CTNNA2: variants seen among roughly 807,000 people sequenced by gnomAD.
CTNNA2 encodes catenin alpha-2.
Under a neutral mutation model 101.0 loss-of-function variants are expected in CTNNA2, and 42 were observed. The observed-to-expected ratio is 0.42, with a 90% CI of 0.32 to 0.54. CTNNA2 has a LOEUF of 0.54. Ranked by LOEUF, CTNNA2 falls within the 20% of genes least tolerant of loss-of-function variation. The pLI is 0.14. For synonymous variants in CTNNA2, 450 were observed against 456.4 expected, an observed-to-expected ratio of 0.99 and a Z score of 0.18; for missense variants, 871 against 1,223.1, an observed-to-expected ratio of 0.71 and a Z score of 4.29.
chr2:79,645,505 G>GA (rs1680757163), intron 1 of CTNNA2, among the ~76,000 whole-genome samples: 1 of 152,146 alleles, frequency 6.6e-6, no homozygotes, highest in African/African-American at 2.4e-5. Context: ...AAAAGGCAGA[G>GA]AAAAAAGCAA....
intron 6 of CTNNA2, among the ~76,000 whole-genome samples, chr2:79,886,213 C>G (rs1173384125): frequency 6.6e-6 from 1 of 152,070 alleles, no homozygotes; most frequent in East Asian, 1.9e-4. Flanking sequence ...TGAGCTGCAT[C>G]TAAAGGCTAA....
chr2:80,391,501 T>C (rs1381718662), intron 7 of CTNNA2, among the ~76,000 whole-genome samples: 1 of 152,254 alleles, frequency 6.6e-6, no homozygotes, highest in Non-Finnish European at 1.5e-5. Context: ...AGTAAGTTTT[T>C]TTATTCTAAT....
At chr2:79,442,962 C>G (rs191871884) in intron 4 of CTNNA2, among the ~76,000 whole-genome samples, 2 of 152,212 alleles carry the variant, frequency 1.3e-5, no homozygotes, top group East Asian at 3.9e-4. Context: ...CTTCACTGAT[C>G]CTTCCTCATA....
chr2:79,274,666 C>A (rs142717559), intron 2 of CTNNA2, among the ~76,000 whole-genome samples: 11 of 152,074 alleles, frequency 7.2e-5, no homozygotes, highest in Admixed American at 2.0e-4. Context: ...AAACATTCAA[C>A]CATATATTGT....
chr2:80,362,999 C>T lies in CTNNA2; in HGVS notation c.1057-30212C>T, dbSNP rs1013554084. 7.3e-4 allele frequency among the ~76,000 whole-genome samples: 73 copies of T among 100,360 alleles called. No homozygotes were observed. The East Asian group carries it at 0.015, about 21-fold the overall frequency. 65.8% of individuals were successfully genotyped at this position (100,360 alleles called of 152,430 possible). On this transcript the variant is annotated intron_variant, in intron 7 of 18. Coordinates refer to ENST00000402739, the MANE Select transcript of CTNNA2 (RefSeq NM_001282597.3). ...TAGCCTGGGCAACATAGCAAGACAT[C>T]GTCTCAAAAAAAAAAAAAAAAAAGT... is the stretch of plus-strand genomic sequence containing the variant.
At chr2:80,227,849 CA>C (rs144423283) in intron 7 of CTNNA2, among the ~76,000 whole-genome samples, 2,211 of 149,566 alleles carry the variant, frequency 0.015, 54 homozygotes, top group African/African-American at 0.051. Context: ...AAACAAAAAA[CA>C]AAAAAAAACA....
At chr2:79,785,484 C>T (rs186506724) in intron 3 of CTNNA2, among the ~76,000 whole-genome samples, 46 of 152,280 alleles carry the variant, frequency 3.0e-4, no homozygotes, top group African/African-American at 1.1e-3. Flanking sequence ...ACCAGCGAGG[C>T]CTCCCATGAC....
At chr2:80,190,533 T>C (rs1270139123) in intron 7 of CTNNA2, among the ~76,000 whole-genome samples, 1 of 152,098 alleles carries the variant, frequency 6.6e-6, no homozygotes, top group Non-Finnish European at 1.5e-5. Context: ...ATGTTTATTA[T>C]ATATAAGAAA....
chr2:80,044,914 G>A (rs1028654645), intron 7 of CTNNA2, among the ~76,000 whole-genome samples: 8 of 152,292 alleles, frequency 5.3e-5, no homozygotes, highest in African/African-American at 1.9e-4. Flanking sequence ...GAGGGTTTCT[G>A]ACTGGGAGAT....
At chr2:79,505,770 T>C (rs1222433805) in intron 5 of CTNNA2, among the ~76,000 whole-genome samples, 2 of 152,222 alleles carry the variant, frequency 1.3e-5, no homozygotes, top group Non-Finnish European at 2.9e-5. Flanking sequence ...AATCCATAAA[T>C]AGTGTGCTCT....
At chr2:80,079,846 A>ATAAAAT (rs1288933530) in intron 7 of CTNNA2, among the ~76,000 whole-genome samples, 5 of 92,054 alleles carry the variant, frequency 5.4e-5, no homozygotes, top group Admixed American at 1.5e-4. Flanking sequence ...ATAAAATAAA[A>ATAAAAT]TAAAATAAAA....
chr2:80,317,802 T>A (rs993370282), intron 7 of CTNNA2, among the ~76,000 whole-genome samples: 2 of 152,108 alleles, frequency 1.3e-5, no homozygotes, highest in Non-Finnish European at 2.9e-5. Context: ...TAAACATAAC[T>A]CATTGAAGTC....
intron 3 of CTNNA2, among the ~76,000 whole-genome samples, chr2:79,782,480 G>T (rs1674527181): frequency 6.6e-6 from 1 of 152,060 alleles, no homozygotes; most frequent in Non-Finnish European, 1.5e-5. Context: ...CAGGTGATCT[G>T]CCTGCCTCCA....
chr2:80,411,156 C>T (rs1679533537), intron 8 of CTNNA2, among the ~76,000 whole-genome samples: 1 of 152,208 alleles, frequency 6.6e-6, no homozygotes, highest in Non-Finnish European at 1.5e-5. Flanking sequence ...CTTTCTTTAG[C>T]ATCTTACAAT....
chr2:79,844,594 TG>T (rs149259767), intron 3 of CTNNA2, among the ~76,000 whole-genome samples: 2 of 152,244 alleles, frequency 1.3e-5, no homozygotes, highest in East Asian at 3.9e-4. Context: ...TCCAACTTCA[TG>T]CAACTGGTGT....
intron 2 of CTNNA2, among the ~76,000 whole-genome samples, chr2:79,253,254 G>C (rs531865212): frequency 2.0e-5 from 3 of 152,288 alleles, no homozygotes; most frequent in Non-Finnish European, 4.4e-5. Flanking sequence ...TGGTCAAAGA[G>C]GGTGAGTTAT....
In CTNNA2 at chr2:79,603,464, T is replaced by C. The variant is rs139453108; in HGVS notation, c.-5-48088T>C. ...CAAAAACTAAGTGAAAAAAGTATCA[T>C]GTATTAGAGAAGATTGTTGAAAAAA... On this transcript the variant is annotated intron_variant, in intron 1 of 18. Transcript: ENST00000402739. Among the ~76,000 whole-genome samples, 624 of 152,302 alleles carry C rather than the reference T, an allele frequency of 4.1e-3. 4 individuals are homozygous for C. Among genetic ancestry groups the C allele is most frequent in the African/African-American group, 0.014 (581 of 41,566 alleles).
rs72400269 is a variant in CTNNA2 at position 80,449,287 on chromosome 2, TTAAATAAATAAATAAATAAA to T, written c.1290+29705_1290+29724del. Among the ~76,000 whole-genome samples, 8 of 149,792 alleles carry T rather than the reference TTAAATAAATAAATAAATAAA, an allele frequency of 5.3e-5. No homozygotes were observed. The East Asian group carries it at 7.9e-4, about 15-fold the overall frequency. Reference sequence around the variant, plus strand: ...CAGAGCAAGACCCTGGTCTCTAAAATTAAATAAATAAATAAATAAATAAATAAATAAATAAATACACTAAA... The same window carrying T: ...CAGAGCAAGACCCTGGTCTCTAAAATTAAATAAATAAATAAATACACTAAA... On this transcript the variant is annotated intron_variant, in intron 9 of 18. Coordinates refer to ENST00000402739, the MANE Select transcript of CTNNA2 (RefSeq NM_001282597.3).
In CTNNA2 at chr2:79,328,544, A is replaced by C. The variant is rs1676799077; in HGVS notation, c.-318+15748A>C. ...ATTGCAGAGATGATTTTAAGGACCTAGGAGGTATTAAGGGCTGGTAGTGTG... is the reference window on the plus strand; with the variant it reads ...ATTGCAGAGATGATTTTAAGGACCTCGGAGGTATTAAGGGCTGGTAGTGTG... On this transcript the variant is annotated intron_variant, in intron 3 of 21. Coordinates refer to the CTNNA2 transcript ENST00000466387. Among the ~76,000 whole-genome samples the C allele has an allele frequency of 2.0e-5, 3 of 152,282 alleles. No homozygotes were observed. In the South Asian group the frequency reaches 6.2e-4, roughly 32 times the overall value.
Sources: allele counts gnomAD v4.1 joint callset (sites outside exome capture counted in the v4.1 genomes callset), GRCh38; gene constraint gnomAD v4.1.1; transcripts MANE v1.5; gene names NCBI Gene and HGNC (gene_info 2026-07-23, HGNC 2026-07-21).